ANKRD13A: variants seen among roughly 807,000 people sequenced by gnomAD.
ANKRD13A encodes ankyrin repeat domain 13A, also known as ankyrin repeat domain-containing protein 13A.
A neutral mutation model predicts 81.3 loss-of-function variants in ANKRD13A; 48 were observed. The ratio of observed to expected loss-of-function variants is 0.59; its 90% CI spans 0.47 to 0.75. ANKRD13A has a LOEUF of 0.75. ANKRD13A is among the 30% of genes least tolerant of loss of function. ANKRD13A has a pLI of 0.00. For missense variants in ANKRD13A, 612 were observed against 734.0 expected, an observed-to-expected ratio of 0.83 and a Z score of 1.92; for synonymous variants, 230 against 270.1, an observed-to-expected ratio of 0.85 and a Z score of 1.45.
rs1352302646 is a variant in ANKRD13A at position 109,999,552 on chromosome 12, G to A, written c.-137G>A. 4 of 588,474 alleles carry A rather than the reference G, an allele frequency of 6.8e-6. No individual in the cohort carries two copies. Among genetic ancestry groups the A allele is most frequent in the Non-Finnish European group, 9.9e-6 (4 of 402,534 alleles). 36.5% of individuals were successfully genotyped at this position (588,474 alleles called of 1,614,324 possible). A position where few individuals can be genotyped will look rare whatever the true frequency, so the allele number is the denominator to read the frequency against. On this transcript the variant is annotated 5_prime_UTR_variant, in exon 1 of 15. Transcript: ENST00000261739. The surrounding 1 kb of genome is among the most constrained non-coding windows in gnomAD (Gnocchi z 4.3). ...CCTCCCGCGCGCCCCGCACCCGACCGGCTCAGCCGGCCGGCAGCGTAACAC... is the reference window on the plus strand; with the variant it reads ...CCTCCCGCGCGCCCCGCACCCGACCAGCTCAGCCGGCCGGCAGCGTAACAC...
intron 8 of ANKRD13A, 77 bp downstream of exon 8, chr12:110,025,900 T>G: frequency 7.8e-7 from 1 of 1,275,270 alleles, no homozygotes; most frequent in East Asian, 2.3e-5. Flanking sequence ...TTGGCTCTGT[T>G]AAGTTTAGGG....
At position 110,036,419 on chromosome 12, in the gene ANKRD13A, C is replaced by A; in HGVS notation, c.1577+91C>A. On this transcript the variant is annotated intron_variant, in intron 14 of 14. Transcript: ENST00000261739. The surrounding 1 kb of genome is among the most constrained non-coding windows in gnomAD (Gnocchi z 4.6). ...CGCGTGGCACTGTGCATTTGGTCCTCAGGCAGATGTACGGTGCCACAAACT... is the reference window on the plus strand; with the variant it reads ...CGCGTGGCACTGTGCATTTGGTCCTAAGGCAGATGTACGGTGCCACAAACT... 1 of 1,340,644 alleles carries A rather than the reference C, an allele frequency of 7.5e-7. No individual in the cohort carries two copies. The highest frequency in any genetic ancestry group is 1.1e-6 in the Non-Finnish European group (1 of 933,230). The allele number at this position is 1,340,644 out of a possible 1,614,324, so 83.0% of individuals were successfully genotyped here.
Position 110,037,636 on chromosome 12 carries a change from A to C in ANKRD13A, c.*82A>C, listed in dbSNP as rs1396668979. The C allele has an allele frequency of 4.9e-6, 7 of 1,441,642 alleles. No homozygotes were observed. Among genetic ancestry groups the C allele is most frequent in the Non-Finnish European group, 6.6e-6 (7 of 1,066,872 alleles). The allele number at this position is 1,441,642 out of a possible 1,614,324, so 89.3% of individuals were successfully genotyped here. Reference sequence around the variant, plus strand: ...TGTGTCAACCAGGGCCCTAGGGCTAAGGGCCTGCACCTTGCGTGCATGCAG... The same window carrying C: ...TGTGTCAACCAGGGCCCTAGGGCTACGGGCCTGCACCTTGCGTGCATGCAG... On this transcript the variant is annotated 3_prime_UTR_variant, in exon 15 of 15. Transcript: ENST00000261739.
intron 1 of ANKRD13A, among the ~76,000 whole-genome samples, chr12:110,000,177 C>T (rs950954774): frequency 2.0e-5 from 3 of 152,172 alleles, no homozygotes; most frequent in Non-Finnish European, 4.4e-5. Flanking sequence ...GCCTCAAAGA[C>T]GTAAGAATAG....
chr12:110,037,299 C>G (rs1892121445), intron 14 of ANKRD13A, 60 bp from the exon 15 acceptor site: 2 of 1,514,426 alleles, frequency 1.3e-6, no homozygotes. Context: ...AATGTAGTTA[C>G]TGCTGCCACC....
rs560886927 is a variant in ANKRD13A, at chr12:110,036,342, G to GT, written c.1577+15dup. 2,683 of 1,613,374 alleles carry GT rather than the reference G, an allele frequency of 1.7e-3. 14 individuals are homozygous for GT. Among genetic ancestry groups the GT allele is most frequent in the Middle Eastern group, 2.5e-3 (15 of 6,058 alleles). ...CCAGTATGAGAGGTGATTGACTGAC[G>GT]TGACTCTGGAATAAACCAGGGTGAA... On this transcript the variant is annotated intron_variant, in intron 14 of 14. Coordinates refer to ENST00000261739, the MANE Select transcript of ANKRD13A (RefSeq NM_033121.2). This position sits in a 1 kb window ranked among gnomAD's most constrained non-coding sequence, Gnocchi z 4.6.
intron 12 of ANKRD13A, among the ~76,000 whole-genome samples, chr12:110,032,972 A>G (rs1420359811): frequency 6.6e-6 from 1 of 151,802 alleles, no homozygotes; most frequent in East Asian, 1.9e-4. Flanking sequence ...TGAATTATGT[A>G]TTTACCTCTG....
intron 13 of ANKRD13A, among the ~76,000 whole-genome samples, chr12:110,035,223 A>G (rs1891957110): frequency 6.6e-6 from 1 of 152,216 alleles, no homozygotes; most frequent in African/African-American, 2.4e-5. Context: ...AAGTAGCTTC[A>G]TAAACCTTGT....
At chr12:110,010,767 A>G (rs1400555835) in intron 1 of ANKRD13A, among the ~76,000 whole-genome samples, 1 of 152,248 alleles carries the variant, frequency 6.6e-6, no homozygotes, top group Non-Finnish European at 1.5e-5. Context: ...TAGTTTTCGC[A>G]AAACAGGGAG....
In ANKRD13A at chr12:109,999,465, A is replaced by C; in HGVS notation, c.-224A>C. Reference sequence around the variant, plus strand: ...CCGCGAGCTGTCAGCGCGGGCGGGAACGCCGCGGGGCGCGGGGTGGGCGCG... The same window carrying C: ...CCGCGAGCTGTCAGCGCGGGCGGGACCGCCGCGGGGCGCGGGGTGGGCGCG... On this transcript the variant is annotated 5_prime_UTR_variant, in exon 1 of 15. Transcript: ENST00000261739. This position sits in a 1 kb window ranked among gnomAD's most constrained non-coding sequence, Gnocchi z 4.3. 1 of 244,482 alleles carries C rather than the reference A, an allele frequency of 4.1e-6. No individual in the cohort carries two copies. Among genetic ancestry groups the C allele is most frequent in the Non-Finnish European group, 7.7e-6 (1 of 129,052 alleles). The allele number at this position is 244,482 out of a possible 1,614,324, so 15.1% of individuals were successfully genotyped here.
intron 3 of ANKRD13A, among the ~76,000 whole-genome samples, chr12:110,014,918 G>A (rs773616285): frequency 6.6e-6 from 1 of 151,536 alleles, no homozygotes; most frequent in Non-Finnish European, 1.5e-5. Flanking sequence ...CGAGTAGCTG[G>A]GACTACAGGC....
chr12:110,025,885 CTT>C (rs1593221515), intron 8 of ANKRD13A, 62 bp downstream of exon 8: 1 of 1,412,292 alleles, frequency 7.1e-7, no homozygotes, highest in Admixed American at 1.8e-5. Context: ...AGAGGGAACT[CTT>C]TGTTGGCTCT....
Position 109,999,788 on chromosome 12 carries a change from AGGGGC to A in ANKRD13A, c.96+14_96+18del. ...CGAGAAGGAGCTGCAGGGCCAGGTG[AGGGGC>A]GGGGCGGGGGTCCGTCTCCCGGTGG... is the stretch of plus-strand genomic sequence containing the variant. On this transcript the variant is annotated splice_donor_5th_base_variant and intron_variant, in intron 1 of 14. Transcript: ENST00000261739. This position sits in a 1 kb window ranked among gnomAD's most constrained non-coding sequence, Gnocchi z 4.3. 1.3e-6 allele frequency: 2 copies of A among 1,522,998 alleles called. No homozygotes were observed. The highest frequency in any genetic ancestry group is 8.8e-7 in the Non-Finnish European group (1 of 1,132,474). 94.3% of individuals were successfully genotyped at this position (1,522,998 alleles called of 1,614,324 possible). A position where few individuals can be genotyped will look rare whatever the true frequency, so the allele number is the denominator to read the frequency against.
chr12:110,016,855 C>A (rs977806353), intron 4 of ANKRD13A, among the ~76,000 whole-genome samples: 21 of 151,988 alleles, frequency 1.4e-4, no homozygotes, highest in African/African-American at 4.3e-4. Flanking sequence ...TCACTGTAAT[C>A]CTCATCTCCC....
At chr12:110,002,514 G>T (rs1462122671) in intron 1 of ANKRD13A, among the ~76,000 whole-genome samples, 2 of 152,154 alleles carry the variant, frequency 1.3e-5, no homozygotes. Flanking sequence ...TACTCAGGAG[G>T]TTGAGGCAGG....
chr12:110,029,257 G>T, intron 10 of ANKRD13A: 1 of 414,098 alleles, frequency 2.4e-6, no homozygotes, highest in Non-Finnish European at 4.3e-6. Context: ...GGCTTTGATC[G>T]TGGCAGGTTG....
chr12:110,027,773 T>C lies in ANKRD13A; in HGVS notation c.945+7T>C. 1 of 1,613,984 alleles carries C rather than the reference T, an allele frequency of 6.2e-7. No individual in the cohort carries two copies. The highest frequency in any genetic ancestry group is 8.5e-7 in the Non-Finnish European group (1 of 1,179,886). On this transcript the variant is annotated splice_region_variant and intron_variant, in intron 9 of 14. Coordinates refer to ENST00000261739, the MANE Select transcript of ANKRD13A (RefSeq NM_033121.2). The stretch of plus-strand genomic sequence containing the variant: ...CCAATTTGGTGCACAAGGGGTAAGT[T>C]GAAGCAATGAGCTTTCATTGCAGTT...
At chr12:110,033,675 T>C in intron 12 of ANKRD13A, 122 bp from the exon 13 acceptor site, 1 of 897,484 alleles carries the variant, frequency 1.1e-6, no homozygotes, top group Non-Finnish European at 1.6e-6. Context: ...TCTCATATAA[T>C]AGTAAGCCTT....
chr12:110,033,717 T>TC, intron 12 of ANKRD13A, 80 bp from the exon 13 acceptor site: 2 of 1,311,986 alleles, frequency 1.5e-6, no homozygotes, highest in Non-Finnish European at 2.0e-6. Flanking sequence ...TTCTTTTTTT[T>TC]CTAATGTACA....
Sources: allele counts gnomAD v4.1 joint callset (sites outside exome capture counted in the v4.1 genomes callset), GRCh38; gene constraint gnomAD v4.1.1; non-coding constraint Gnocchi (gnomAD v3.1); transcripts MANE v1.5; gene names NCBI Gene and HGNC (gene_info 2026-07-23, HGNC 2026-07-21).